The following MYOT variants were observed in gnomAD, a reference collection of about 807,000 sequenced individuals.
MYOT encodes myotilin, also known as 57 kDa cytoskeletal protein.
A neutral mutation model predicts 58.0 loss-of-function variants in MYOT; 36 were observed. The observed-to-expected ratio is 0.62, with a 90% CI of 0.48 to 0.82. The LOEUF is 0.82. Among genes scored for constraint, MYOT ranks in the 40% least tolerant of loss-of-function variants. The pLI is 0.00. For missense variants in MYOT, 505 were observed against 592.1 expected, an observed-to-expected ratio of 0.85 and a Z score of 1.53; for synonymous variants, 218 against 204.6, an observed-to-expected ratio of 1.07 and a Z score of -0.56.
Position 137,883,533 on chromosome 5 carries a change from A to G in MYOT, c.966A>G (p.Ala322=), listed in dbSNP as rs765025826. Reference sequence around the variant, plus strand: ...GAGCTTCAGATGCAGGGGCTTATGCATGTGTTGCCAAGAATAGAGCAGGAG... The same window carrying G: ...GAGCTTCAGATGCAGGGGCTTATGCGTGTGTTGCCAAGAATAGAGCAGGAG... The part of the protein sequence containing the change: ...VVRASDAGAY[A]CVAKNRAGEA... The change falls in exon 7 of 10, where the codon GCA becomes GCG. Residue 322 remains alanine, a synonymous_variant. Coordinates refer to ENST00000239926, the MANE Select transcript of MYOT (RefSeq NM_006790.3). The G allele has an allele frequency of 3.7e-6, 6 of 1,614,084 alleles. No homozygotes were observed. Among genetic ancestry groups the G allele is most frequent in the African/African-American group, 1.3e-5 (1 of 74,928 alleles).
At chr5:137,880,129 T>C (rs1259419740) in intron 4 of MYOT, among the ~76,000 whole-genome samples, 1 of 152,212 alleles carries the variant, frequency 6.6e-6, no homozygotes, top group Non-Finnish European at 1.5e-5. Flanking sequence ...AAACGCAAAA[T>C]ACACACTACT....
intron 2 of MYOT, among the ~76,000 whole-genome samples, chr5:137,873,958 T>C (rs1405142745): frequency 6.6e-6 from 1 of 152,214 alleles, no homozygotes; most frequent in African/African-American, 2.4e-5. Flanking sequence ...CCAAAGCCAG[T>C]AAAAATTAAA....
intron 2 of MYOT, among the ~76,000 whole-genome samples, chr5:137,873,966 A>T (rs1191076113): frequency 6.6e-6 from 1 of 152,236 alleles, no homozygotes; most frequent in East Asian, 1.9e-4. Flanking sequence ...AGTAAAAATT[A>T]AAACTCTGGC....
chr5:137,886,312 T>C (rs187350447), intron 8 of MYOT, 99 bp downstream of exon 8: 23 of 814,850 alleles, frequency 2.8e-5, no homozygotes, highest in Admixed American at 9.4e-5. Context: ...TCTCAATTTG[T>C]CTAGTTTTTA....
At chr5:137,878,188 A>C (rs1490003753) in intron 4 of MYOT, among the ~76,000 whole-genome samples, 1 of 151,860 alleles carries the variant, frequency 6.6e-6, no homozygotes, top group East Asian at 1.9e-4. Context: ...TTATGGTGGC[A>C]CATCCCACAG....
intron 7 of MYOT, among the ~76,000 whole-genome samples, chr5:137,883,854 A>C (rs1755515359): frequency 6.6e-6 from 1 of 152,240 alleles, no homozygotes; most frequent in African/African-American, 2.4e-5. Context: ...GAAAGAAAAT[A>C]AATCATACAA....
intron 4 of MYOT, among the ~76,000 whole-genome samples, chr5:137,878,025 TG>T (rs1174630046): frequency 1.3e-5 from 2 of 152,238 alleles, no homozygotes; most frequent in Non-Finnish European, 2.9e-5. Context: ...AACATTTCAA[TG>T]TTTTAAAATA....
chr5:137,881,339 A>G (rs1755423157), intron 5 of MYOT, among the ~76,000 whole-genome samples: 1 of 152,182 alleles, frequency 6.6e-6, no homozygotes. Context: ...TTATTACACT[A>G]TCAGATCAAA....
Position 137,887,513 on chromosome 5 carries a change from A to C in MYOT, c.*128A>C. On this transcript the variant is annotated 3_prime_UTR_variant, in exon 10 of 10. Coordinates refer to ENST00000239926, the MANE Select transcript of MYOT (RefSeq NM_006790.3). Reference sequence around the variant, plus strand: ...TAATTAGGTAATATAGTTAATATATATTTATAATATTATTTATCCTTTGAC... The same window carrying C: ...TAATTAGGTAATATAGTTAATATATCTTTATAATATTATTTATCCTTTGAC... The C allele has an allele frequency of 1.6e-6, 1 of 628,818 alleles. No individual in the cohort carries two copies. The highest frequency in any genetic ancestry group is 2.4e-6 in the Non-Finnish European group (1 of 420,144). 39.0% of individuals were successfully genotyped at this position (628,818 alleles called of 1,614,324 possible).
rs570967036 is a variant in MYOT, at chr5:137,870,142, A to G, written c.-211-299A>G. On this transcript the variant is annotated intron_variant, in intron 1 of 9. Transcript: ENST00000239926. The stretch of plus-strand genomic sequence containing the variant: ...TGTCTCTACTAAAAAAAAAAAAAAA[A>G]AAGAAAGAAAGAAAAAAAGAAAAAT... 8.6e-5 allele frequency among the ~76,000 whole-genome samples: 13 copies of G among 151,376 alleles called. No individual in the cohort carries two copies. The East Asian group carries it at 1.7e-3, about 20-fold the overall frequency.
chr5:137,880,624 G>A (rs1755395292), intron 4 of MYOT, 192 bp from the exon 5 acceptor site: 2 of 533,788 alleles, frequency 3.7e-6, no homozygotes, highest in East Asian at 6.4e-5. Context: ...CATTAATTCT[G>A]GGCTTCTTGC....
At position 137,886,784 on chromosome 5, in the gene MYOT, C is replaced by T. The variant is rs535215443; in HGVS notation, c.1191-80C>T. ...GGAATTTTCAAATGTTTTTTTCTTC[C>T]TAGTCTGACTGTTGGTCAGAGACAT... is the stretch of plus-strand genomic sequence containing the variant. On this transcript the variant is annotated intron_variant, in intron 8 of 9. Transcript: ENST00000239926. 5.9e-5 allele frequency: 61 copies of T among 1,027,406 alleles called. No individual in the cohort carries two copies. The African/African-American group carries it at 9.8e-4, about 16-fold the overall frequency. The allele number at this position is 1,027,406 out of a possible 1,614,324, so 63.6% of individuals were successfully genotyped here. A position where few individuals can be genotyped will look rare whatever the true frequency, so the allele number is the denominator to read the frequency against.
Position 137,870,771 on chromosome 5 carries a change from T to C in MYOT, c.120T>C (p.Ile40=). The C allele has an allele frequency of 6.2e-7, 1 of 1,614,158 alleles. No individual in the cohort carries two copies. Among genetic ancestry groups the C allele is most frequent in the Non-Finnish European group, 8.5e-7 (1 of 1,180,028 alleles). ...SFSSQTKQSS[I]IIQPRQCTEQ... ...CTAGCCAGACCAAACAGTCTTCCAT[T>C]ATCATCCAGCCCCGCCAGTGTACAG... Residue 40 remains isoleucine, a synonymous_variant, in exon 2 of 10, where the codon ATT becomes ATC. Transcript: ENST00000239926.
At chr5:137,879,588 G>T (rs1372566717) in intron 4 of MYOT, among the ~76,000 whole-genome samples, 4 of 138,324 alleles carry the variant, frequency 2.9e-5, no homozygotes, top group African/African-American at 1.1e-4. Context: ...ACAATGGCGC[G>T]ATCTCGGCTC....
intron 4 of MYOT, among the ~76,000 whole-genome samples, chr5:137,878,493 A>C (rs1220206875): frequency 6.6e-6 from 1 of 152,018 alleles, no homozygotes; most frequent in Non-Finnish European, 1.5e-5. Context: ...CCTGGCCTCA[A>C]CTTGATTTTA....
Position 137,886,867 on chromosome 5 carries a change from A to G in MYOT, c.1194A>G (p.Leu398=), listed in dbSNP as rs781674627. ...MVQFNTDRIS[L]YQDNTGRVTL... ...TTCTTAAAAATTTTTATTTCAGCTT[A>G]TATCAAGATAACACTGGAAGAGTTA... The change falls in exon 9 of 10, where the codon TTA becomes TTG. Residue 398 remains leucine, a synonymous_variant. Transcript: ENST00000239926. 2 of 1,557,500 alleles carry G rather than the reference A, an allele frequency of 1.3e-6. No homozygotes were observed. The highest frequency in any genetic ancestry group is 2.2e-5 in the East Asian group (1 of 44,552).
At chr5:137,883,269 T>A (rs2149987818) in intron 6 of MYOT, 115 bp from the exon 7 acceptor site, 1 of 851,154 alleles carries the variant, frequency 1.2e-6, no homozygotes, top group Non-Finnish European at 2.0e-6. Flanking sequence ...TTGCTTTGCA[T>A]TTCAATCGCA....
chr5:137,875,722 T>A, intron 2 of MYOT, 107 bp from the exon 3 acceptor site: 1 of 965,016 alleles, frequency 1.0e-6, no homozygotes, highest in East Asian at 2.6e-5. Flanking sequence ...AATTTGTTTT[T>A]AATAATACTA....
chr5:137,872,713 T>G (rs1368172646), intron 2 of MYOT, among the ~76,000 whole-genome samples: 6 of 152,212 alleles, frequency 3.9e-5, no homozygotes, highest in Non-Finnish European at 7.3e-5. Context: ...CCTTGGATTC[T>G]GACCTAGAGA....
Sources: allele counts gnomAD v4.1 joint callset (sites outside exome capture counted in the v4.1 genomes callset), GRCh38; gene constraint gnomAD v4.1.1; transcripts MANE v1.5; gene names NCBI Gene and HGNC (gene_info 2026-07-23, HGNC 2026-07-21).